Variants in RREB1 observed in about 807,000 individuals in gnomAD.
The protein encoded by RREB1 is ras-responsive element-binding protein 1.
In RREB1, 27 loss-of-function variants were observed where a neutral mutation model predicts 117.8. The ratio of observed to expected loss-of-function variants is 0.23; its 90% CI spans 0.17 to 0.32. The LOEUF is 0.32. Ranked by LOEUF, RREB1 falls within the 10% of genes least tolerant of loss-of-function variation. RREB1 has a pLI of 1.00. For synonymous variants in RREB1, 1,298 were observed against 1,026.7 expected (o/e 1.26, Z -5.05); for missense variants, 2,577 against 2,378.2 (o/e 1.08, Z -1.74).
chr6:7,234,735 G>A (rs1768217655), intron 10 of RREB1, among the ~76,000 whole-genome samples: 1 of 152,254 alleles, frequency 6.6e-6, no homozygotes, highest in Admixed American at 6.5e-5. Context: ...CTGTGAGGGT[G>A]ATGTCATCCA....
In RREB1 at chr6:7,231,525, C is replaced by A. The variant is rs776847931; in HGVS notation, c.3426C>A (p.Thr1142=). ...PASSPEAASP[T]EQGPAGTSKK... ...GCAGCCCAGAGGCTGCCTCTCCCACCGAGCAGGGCCCAGCGGGCACGTCGA... is the reference window on the plus strand; with the variant it reads ...GCAGCCCAGAGGCTGCCTCTCCCACAGAGCAGGGCCCAGCGGGCACGTCGA... Residue 1142 remains threonine, a synonymous_variant, in exon 10 of 13, where the codon ACC becomes ACA. Transcript: ENST00000379938. 6.2e-7 allele frequency: 1 copy of A among 1,608,322 alleles called. No homozygotes were observed. Among genetic ancestry groups the A allele is most frequent in the Non-Finnish European group, 8.5e-7 (1 of 1,177,476 alleles).
intron 1 of RREB1, among the ~76,000 whole-genome samples, chr6:7,117,362 AG>A (rs1165561909): frequency 1.4e-5 from 2 of 146,300 alleles, no homozygotes; most frequent in African/African-American, 5.0e-5. Flanking sequence ...TGAAACACAA[AG>A]GTGAACCATG....
intron 5 of RREB1, among the ~76,000 whole-genome samples, chr6:7,188,382 C>G (rs1436309068): frequency 6.6e-6 from 1 of 151,964 alleles, no homozygotes; most frequent in Non-Finnish European, 1.5e-5. Flanking sequence ...TCCCAAGTAG[C>G]TGGGATTACA....
Position 7,194,482 on chromosome 6 carries a change from T to C in RREB1, c.425+5160T>C, listed in dbSNP as rs575255803. Reference sequence around the variant, plus strand: ...ACAAGAATCGCTTGAACCCAGGAGGTGGAAGTTGCAGTGAGCCGAGATCTT... The same window carrying C: ...ACAAGAATCGCTTGAACCCAGGAGGCGGAAGTTGCAGTGAGCCGAGATCTT... On this transcript the variant is annotated intron_variant, in intron 6 of 12. Coordinates refer to ENST00000379938, the MANE Select transcript of RREB1 (RefSeq NM_001003699.4). Among the ~76,000 whole-genome samples, 94 of 152,102 alleles carry C rather than the reference T, an allele frequency of 6.2e-4. 1 individual carries two copies. The highest frequency in any genetic ancestry group is 2.2e-3 in the African/African-American group (93 of 41,496).
chr6:7,201,104 T>C (rs1203122524), intron 6 of RREB1, among the ~76,000 whole-genome samples: 1 of 151,838 alleles, frequency 6.6e-6, no homozygotes, highest in Non-Finnish European at 1.5e-5. Flanking sequence ...TTGCTGGGGG[T>C]AGGATGACTA....
At chr6:7,189,428 G>A (rs934755764) in intron 6 of RREB1, 106 bp downstream of exon 6, 13 of 1,052,068 alleles carry the variant, frequency 1.2e-5, no homozygotes, top group Non-Finnish European at 1.5e-5. Flanking sequence ...GGTACAGAGA[G>A]TTCTGGAGCT....
chr6:7,144,589 C>G (rs1327079924), intron 1 of RREB1, among the ~76,000 whole-genome samples: 3 of 148,972 alleles, frequency 2.0e-5, no homozygotes, highest in African/African-American at 7.4e-5. Flanking sequence ...GCTGTGTTCT[C>G]TGGTTGTATA....
intron 1 of RREB1, among the ~76,000 whole-genome samples, chr6:7,137,096 C>A (rs773693074): frequency 4.6e-5 from 7 of 152,240 alleles, no homozygotes; most frequent in Non-Finnish European, 8.8e-5. Flanking sequence ...AGTGCCTCAA[C>A]ATGGGGAGTT....
chr6:7,122,115 C>T (rs73372673), intron 1 of RREB1, among the ~76,000 whole-genome samples: 2,089 of 152,252 alleles, frequency 0.014, 43 homozygotes, highest in African/African-American at 0.048. Context: ...TAATATCATC[C>T]GAATAACTCA....
intron 1 of RREB1, among the ~76,000 whole-genome samples, chr6:7,112,687 A>G (rs1336200880): frequency 1.3e-5 from 2 of 152,222 alleles, no homozygotes; most frequent in Non-Finnish European, 2.9e-5. Context: ...CCCCACTCCC[A>G]TAGAAGGCAG....
chr6:7,144,996 A>G (rs1004373901), intron 1 of RREB1, among the ~76,000 whole-genome samples: 1 of 152,222 alleles, frequency 6.6e-6, no homozygotes, highest in African/African-American at 2.4e-5. Flanking sequence ...AAGGGGGGAA[A>G]GTGTAATCTT....
chr6:7,153,105 G>GTTT (rs369606887), intron 1 of RREB1, among the ~76,000 whole-genome samples: 25 of 105,004 alleles, frequency 2.4e-4, no homozygotes, highest in African/African-American at 5.7e-4. Context: ...TTGTGAGAGG[G>GTTT]TTTTTTTTTT....
chr6:7,205,606 A>G (rs1488066339), intron 6 of RREB1, among the ~76,000 whole-genome samples: 1 of 152,152 alleles, frequency 6.6e-6, no homozygotes, highest in Non-Finnish European at 1.5e-5. Flanking sequence ...AATGACTTCC[A>G]TGCCTAAGGA....
chr6:7,173,744 CAGGGAGGCAG>C (rs1764352755), intron 1 of RREB1, among the ~76,000 whole-genome samples: 1 of 151,148 alleles, frequency 6.6e-6, no homozygotes, highest in African/African-American at 2.4e-5. Flanking sequence ...TCGCCTGAAC[CAGGGAGGCAG>C]AGGTTACAGG....
intron 1 of RREB1, among the ~76,000 whole-genome samples, chr6:7,131,081 GGCGCCCGCCACT>G (rs1265073254): frequency 6.6e-6 from 1 of 151,654 alleles, no homozygotes; most frequent in Non-Finnish European, 1.5e-5. Flanking sequence ...TGGGACTACA[GGCGCCCGCCACT>G]GCGCCCGGCT....
chr6:7,113,268 C>G (rs936539187), intron 1 of RREB1, among the ~76,000 whole-genome samples: 15 of 152,134 alleles, frequency 9.9e-5, no homozygotes, highest in Non-Finnish European at 2.1e-4. Context: ...GAAGAGAAAA[C>G]GTCTCAGTGG....
At chr6:7,247,874 C>T (rs1257075647) in intron 12 of RREB1, among the ~76,000 whole-genome samples, 1 of 152,230 alleles carries the variant, frequency 6.6e-6, no homozygotes, top group Non-Finnish European at 1.5e-5. Context: ...TCCAAAATAA[C>T]CTGTCCCTCC....
At chr6:7,239,060 G>A (rs922062269) in intron 10 of RREB1, among the ~76,000 whole-genome samples, 1 of 152,218 alleles carries the variant, frequency 6.6e-6, no homozygotes, top group African/African-American at 2.4e-5. Context: ...CCCTCTGGCT[G>A]GTCCCCAGGT....
intron 8 of RREB1, among the ~76,000 whole-genome samples, chr6:7,221,067 G>C (rs749985279): frequency 2.8e-4 from 42 of 152,204 alleles, no homozygotes; most frequent in Non-Finnish European, 5.3e-4. Flanking sequence ...CCACCTGATA[G>C]GGCTGATCCA....
Sources: allele counts gnomAD v4.1 joint callset (sites outside exome capture counted in the v4.1 genomes callset), GRCh38; gene constraint gnomAD v4.1.1; transcripts MANE v1.5; gene names NCBI Gene and HGNC (gene_info 2026-07-23, HGNC 2026-07-21).